The following RTF2 variants were observed in gnomAD, a reference collection of about 807,000 sequenced individuals.
RTF2 encodes replication termination factor 2, also known as UPF0549 protein C20orf43.
A neutral mutation model predicts 38.0 loss-of-function variants in RTF2; 18 were observed. That is an observed-to-expected ratio of 0.47 (90% confidence interval 0.33 to 0.70). The LOEUF is 0.70. Ranked by LOEUF, RTF2 falls within the 30% of genes least tolerant of loss-of-function variation. RTF2 has a pLI of 0.02. For synonymous variants in RTF2, 126 were observed against 137.1 expected, an observed-to-expected ratio of 0.92 and a Z score of 0.57; for missense variants, 311 against 379.6, an observed-to-expected ratio of 0.82 and a Z score of 1.50.
chr20:56,517,806 C>T (rs1985146823), intron 8 of RTF2, among the ~76,000 whole-genome samples: 1 of 152,198 alleles, frequency 6.6e-6, no homozygotes, highest in African/African-American at 2.4e-5. Context: ...TTCCTGTGCC[C>T]ATTTCCTCCC....
At chr20:56,485,078 T>C (rs1366421431) in intron 5 of RTF2, among the ~76,000 whole-genome samples, 2 of 152,060 alleles carry the variant, frequency 1.3e-5, no homozygotes, top group Non-Finnish European at 2.9e-5. Flanking sequence ...CACATTCTGA[T>C]TGGAGAGAGA....
rs773064728 is a variant in RTF2, at chr20:56,513,392, G to C, written c.555G>C (p.Arg185Ser). The C allele has an allele frequency of 1.2e-6, 2 of 1,607,218 alleles. No individual in the cohort carries two copies. Among genetic ancestry groups the C allele is most frequent in the Non-Finnish European group, 1.7e-6 (2 of 1,177,188 alleles). ...TKEDVDVLKT[R>S]MEERRLRAKL... ...AGGATGTGGACGTGCTGAAGACAAG[G>C]ATGGAGGAGAGAAGGCTGAGAGCGA... is the stretch of plus-strand genomic sequence containing the variant. Residue 185 changes from arginine to serine, a missense_variant, in exon 6 of 9, where the codon AGG becomes AGC. By Grantham distance (110) the Arg-to-Ser change is moderately radical (BLOSUM62 -1). Transcript: ENST00000357348.
chr20:56,484,470 T>G (rs1042150610), intron 5 of RTF2, among the ~76,000 whole-genome samples: 1 of 152,210 alleles, frequency 6.6e-6, no homozygotes, highest in Non-Finnish European at 1.5e-5. Context: ...TGCTCCCCCA[T>G]GAGCCCCCAT....
At chr20:56,513,243 A>G in intron 5 of RTF2, 72 bp from the exon 6 acceptor site, 1 of 1,536,720 alleles carries the variant, frequency 6.5e-7, no homozygotes. Context: ...TGGGGCTGAG[A>G]GTGGGGGACT....
chr20:56,496,754 T>C, intron 5 of RTF2: 1 of 1,552,202 alleles, frequency 6.4e-7, no homozygotes, highest in Non-Finnish European at 8.7e-7. Flanking sequence ...CAAACTTCCT[T>C]GTAAGTACAT....
At position 56,517,189 on chromosome 20, in the gene RTF2, C is replaced by T. The variant is rs74601111; in HGVS notation, c.730C>T (p.Pro244Ser). 1.6e-4 allele frequency: 259 copies of T among 1,613,898 alleles called. No individual in the cohort carries two copies. The African/African-American group carries it at 3.0e-3, about 19-fold the overall frequency. The part of the protein sequence containing the change: ...DSREKKTNLA[P>S]KSTAMNESSS... ...TAGAGAGAAGAAAACCAACTTGGCT[C>T]CCAAAAGCACAGGTGGGTCCTGTTG... The change falls in exon 8 of 9, where the codon CCC becomes TCC. Residue 244 changes from proline (P) to serine (S), a missense_variant. Coordinates refer to ENST00000357348, the MANE Select transcript of RTF2 (RefSeq NM_016407.5).
chr20:56,512,859 G>T (rs1292713912), intron 5 of RTF2, among the ~76,000 whole-genome samples: 1 of 152,138 alleles, frequency 6.6e-6, no homozygotes, highest in Non-Finnish European at 1.5e-5. Context: ...ACTGCAACAC[G>T]TGTGATGTTT....
chr20:56,507,243 C>G (rs999177408), intron 5 of RTF2, among the ~76,000 whole-genome samples: 5 of 152,152 alleles, frequency 3.3e-5, no homozygotes, highest in African/African-American at 1.2e-4. Context: ...CCCCACTCCC[C>G]ATCTCCGCAG....
At chr20:56,484,310 C>T in intron 5 of RTF2, 121 bp downstream of exon 5, 1 of 828,566 alleles carries the variant, frequency 1.2e-6, no homozygotes, top group Non-Finnish European at 2.0e-6. Flanking sequence ...TTTTCTGCTT[C>T]CATGGCTCTT....
intron 3 of RTF2, among the ~76,000 whole-genome samples, chr20:56,476,431 A>G (rs1982245614): frequency 6.6e-6 from 1 of 152,070 alleles, no homozygotes; most frequent in Non-Finnish European, 1.5e-5. Flanking sequence ...TAAGTTAAAA[A>G]GATGTGGATA....
chr20:56,495,125 A>G (rs1022555141), intron 5 of RTF2: 10 of 969,598 alleles, frequency 1.0e-5, no homozygotes, highest in Non-Finnish European at 1.4e-5. Flanking sequence ...CGTCTTGCCC[A>G]CTAGGATTGA....
chr20:56,507,572 A>G (rs1352558626), intron 5 of RTF2, among the ~76,000 whole-genome samples: 1 of 152,238 alleles, frequency 6.6e-6, no homozygotes, highest in Non-Finnish European at 1.5e-5. Flanking sequence ...ACACAACACA[A>G]CTGTATGCAG....
chr20:56,481,618 T>C (rs2146324483), intron 4 of RTF2, among the ~76,000 whole-genome samples: 1 of 151,040 alleles, frequency 6.6e-6, no homozygotes. Flanking sequence ...TGCATATATA[T>C]ATACACACAC....
intron 5 of RTF2, among the ~76,000 whole-genome samples, chr20:56,491,269 G>T (rs1252067443): frequency 6.6e-6 from 1 of 152,168 alleles, no homozygotes; most frequent in African/African-American, 2.4e-5. Flanking sequence ...CTGGATCCAG[G>T]TGTTTGGAGA....
chr20:56,469,857 G>A (rs1009017870), intron 1 of RTF2, among the ~76,000 whole-genome samples: 2 of 152,162 alleles, frequency 1.3e-5, no homozygotes, highest in African/African-American at 4.8e-5. Flanking sequence ...TGGAGTGTGA[G>A]TTCATCAATC....
At chr20:56,477,912 A>C (rs1807979718) in intron 4 of RTF2, among the ~76,000 whole-genome samples, 1 of 152,246 alleles carries the variant, frequency 6.6e-6, no homozygotes, top group Admixed American at 6.5e-5. Flanking sequence ...TGTAGCTAAC[A>C]GATTCTCTGG....
chr20:56,492,031 A>G (rs950816752), intron 5 of RTF2, among the ~76,000 whole-genome samples: 7 of 152,098 alleles, frequency 4.6e-5, no homozygotes, highest in Non-Finnish European at 8.8e-5. Flanking sequence ...GCTTTAGGTG[A>G]ATACCATGGG....
intron 5 of RTF2, chr20:56,491,524 A>G (rs1316001143): frequency 1.1e-5 from 15 of 1,308,238 alleles, no homozygotes; most frequent in Non-Finnish European, 1.6e-5. Flanking sequence ...AGTCAAGGAA[A>G]CAGAATGATA....
At chr20:56,481,305 A>G (rs942962649) in intron 4 of RTF2, among the ~76,000 whole-genome samples, 3 of 152,228 alleles carry the variant, frequency 2.0e-5, no homozygotes, top group Non-Finnish European at 4.4e-5. Context: ...TAACAGGTGT[A>G]CATGGACACC....
Sources: gnomAD v4.1 joint callset for allele counts (sites outside exome capture counted in the v4.1 genomes callset) on GRCh38, gnomAD v4.1.1 for gene constraint, MANE v1.5 for transcripts, NCBI Gene and HGNC (gene_info 2026-07-23, HGNC 2026-07-21) for gene names.